The following CDK10 variants were observed in gnomAD, a reference collection of about 807,000 sequenced individuals.
CDK10 encodes cyclin dependent kinase 10.
Under a neutral mutation model 51.0 loss-of-function variants are expected in CDK10, and 55 were observed. The ratio of observed to expected loss-of-function variants is 1.08; its 90% CI spans 0.87 to 1.35. The LOEUF (loss-of-function observed/expected upper bound fraction) is 1.35. Among genes scored for constraint, CDK10 ranks in the 40% most tolerant of loss-of-function variants. The pLI is 0.00. For synonymous variants in CDK10, 255 were observed against 199.1 expected (o/e 1.28, Z -2.36); for missense variants, 589 against 485.1 (o/e 1.21, Z -2.01).
At position 89,690,630 on chromosome 16, in the gene CDK10, C is replaced by T. The variant is rs2060402410; in HGVS notation, c.232+6C>T. ...GATGGACAAGGAGAAGGATGGTGAG[C>T]AGGAAATTGGGGTGTTGGGACCTCG... On this transcript the variant is annotated splice_donor_region_variant and intron_variant, in intron 3 of 12. Coordinates refer to ENST00000353379, the MANE Select transcript of CDK10 (RefSeq NM_052988.5). 6 of 1,612,930 alleles carry T rather than the reference C, an allele frequency of 3.7e-6. No individual in the cohort carries two copies. In the South Asian group the frequency reaches 4.4e-5, roughly 12 times the overall value.
intron 9 of CDK10, 185 bp downstream of exon 9, chr16:89,694,417 G>T: frequency 1.2e-6 from 1 of 839,628 alleles, no homozygotes. Context: ...AACTTAGCTT[G>T]CTGTTCTCAG....
At chr16:89,694,312 C>T in intron 9 of CDK10, 80 bp downstream of exon 9, 4 of 1,429,724 alleles carry the variant, frequency 2.8e-6, no homozygotes, top group African/African-American at 1.4e-5. Context: ...CTGAGCTCAG[C>T]CTCAGGGGAG....
At chr16:89,694,287 C>T (rs760261597) in intron 9 of CDK10, 55 bp downstream of exon 9, 22 of 1,568,662 alleles carry the variant, frequency 1.4e-5, no homozygotes, top group African/African-American at 4.1e-5. Context: ...GGACAGGAGC[C>T]GGGTCACCTG....
rs1263400482 is a variant in CDK10, at chr16:89,696,119, T to A, written c.*427T>A. On this transcript the variant is annotated 3_prime_UTR_variant, in exon 13 of 13. Transcript: ENST00000353379. ...CTCTCAGTCGCCCGGGGCTGTCCCG[T>A]GCATGGGTTGGCTGTGGGGACCCCA... The A allele has an allele frequency of 2.4e-6, 1 of 421,634 alleles. No individual in the cohort carries two copies. The highest frequency in any genetic ancestry group is 4.4e-6 in the Non-Finnish European group (1 of 226,556). 26.1% of individuals were successfully genotyped at this position (421,634 alleles called of 1,614,324 possible). A position where few individuals can be genotyped will look rare whatever the true frequency, so the allele number is the denominator to read the frequency against.
At chr16:89,691,758 C>G in intron 4 of CDK10, 48 bp from the exon 5 acceptor site, 2 of 1,562,322 alleles carry the variant, frequency 1.3e-6, no homozygotes, top group Non-Finnish European at 1.8e-6. Flanking sequence ...CCACTTCCAC[C>G]CCTTAGGAGA....
intron 1 of CDK10, among the ~76,000 whole-genome samples, 198 bp from the exon 2 acceptor site, chr16:89,689,054 C>G (rs1263687435): frequency 1.3e-5 from 2 of 150,972 alleles, no homozygotes; most frequent in East Asian, 1.9e-4. Context: ...GAACCATGTT[C>G]TTGCCACTGC....
intron 5 of CDK10, chr16:89,692,231 C>A: frequency 1.8e-6 from 1 of 540,680 alleles, no homozygotes; most frequent in Non-Finnish European, 3.2e-6. Context: ...GTTTTCTGGG[C>A]TGCTGGGAGA....
rs1293552153 is a variant in CDK10, at chr16:89,691,971, G to T, written c.417+84G>T. On this transcript the variant is annotated intron_variant, in intron 5 of 12. Transcript: ENST00000353379. ...ATTTATAACGAAACAGGGCACTTGG[G>T]GACTTGAAGAGCTGCTGCTGCCTCT... The T allele has an allele frequency of 5.3e-6, 6 of 1,129,974 alleles. No homozygotes were observed. The South Asian group carries it at 8.2e-5, about 15-fold the overall frequency. The allele number at this position is 1,129,974 out of a possible 1,614,324, so 70.0% of individuals were successfully genotyped here.
rs1597851411 is a variant in CDK10, at chr16:89,691,368, G to A, written c.233-75G>A. 9 of 1,105,922 alleles carry A rather than the reference G, an allele frequency of 8.1e-6. No individual in the cohort carries two copies. In the East Asian group the frequency reaches 1.5e-4, roughly 19 times the overall value. The allele number at this position is 1,105,922 out of a possible 1,614,324, so 68.5% of individuals were successfully genotyped here. A position where few individuals can be genotyped will look rare whatever the true frequency, so the allele number is the denominator to read the frequency against. On this transcript the variant is annotated intron_variant, in intron 3 of 12. Coordinates refer to ENST00000353379, the MANE Select transcript of CDK10 (RefSeq NM_052988.5). The stretch of plus-strand genomic sequence containing the variant: ...GCACCTGCTATCAGGTGTTCGTGAA[G>A]CCCAAGAGTGGCTGGGGTTGGGGCT...
At chr16:89,691,274 A>T (rs951309320) in intron 3 of CDK10, among the ~76,000 whole-genome samples, 169 bp from the exon 4 acceptor site, 2 of 150,838 alleles carry the variant, frequency 1.3e-5, no homozygotes, top group Admixed American at 6.6e-5. Context: ...AACGAGCGAA[A>T]CTCCGTCTCA....
intron 1 of CDK10, among the ~76,000 whole-genome samples, chr16:89,688,452 C>T (rs866234021): frequency 1.3e-5 from 2 of 152,134 alleles, no homozygotes; most frequent in East Asian, 1.9e-4. Flanking sequence ...AATACAGGGC[C>T]TCAAGATGAT....
At chr16:89,687,503 G>C (rs2060247078) in intron 1 of CDK10, 1 of 456,106 alleles carries the variant, frequency 2.2e-6, no homozygotes, top group African/African-American at 2.0e-5. Context: ...CGTGCAGCAG[G>C]CGCTCACCGC....
intron 1 of CDK10, chr16:89,687,266 C>A (rs997007328): frequency 3.0e-6 from 1 of 332,854 alleles, no homozygotes; most frequent in Non-Finnish European, 6.1e-6. Context: ...GCGTCCCTTG[C>A]GGAGGTGCCG....
intron 5 of CDK10, chr16:89,692,236 G>A: frequency 1.8e-6 from 1 of 549,928 alleles, no homozygotes; most frequent in Non-Finnish European, 3.2e-6. Context: ...CTGGGCTGCT[G>A]GGAGAGTGCA....
chr16:89,694,190 T>G lies in CDK10; in HGVS notation c.626T>G (p.Leu209Arg). The G allele has an allele frequency of 6.2e-7, 1 of 1,614,002 alleles. No homozygotes were observed. The highest frequency in any genetic ancestry group is 8.5e-7 in the Non-Finnish European group (1 of 1,179,978). Residue 209 changes from leucine (L) to arginine (R), a missense_variant, in exon 9 of 13, where the codon CTG becomes CGG. Coordinates refer to ENST00000353379, the MANE Select transcript of CDK10 (RefSeq NM_052988.5). ...GTGTGTAGGTACCGAGCCCCTGAACTGCTGTTGGGAACCACCACGCAGACC... is the reference window on the plus strand; with the variant it reads ...GTGTGTAGGTACCGAGCCCCTGAACGGCTGTTGGGAACCACCACGCAGACC... Reference protein sequence around the residue: ...VVTLWYRAPELLLGTTTQTTS... With the variant: ...VVTLWYRAPERLLGTTTQTTS...
chr16:89,692,922 G>A (rs984166036), intron 6 of CDK10, among the ~76,000 whole-genome samples: 2 of 152,070 alleles, frequency 1.3e-5, no homozygotes, highest in East Asian at 3.9e-4. Context: ...CGGATCACGA[G>A]GTCAGGAGAT....
chr16:89,686,995 C>T (rs891090405), intron 1 of CDK10, 198 bp downstream of exon 1: 1 of 509,104 alleles, frequency 2.0e-6, no homozygotes, highest in Non-Finnish European at 3.4e-6. Context: ...CCCTGGAGAT[C>T]TGAGGGGCCG....
At position 89,694,981 on chromosome 16, in the gene CDK10, C is replaced by G. The variant is rs747970770; in HGVS notation, c.843C>G (p.Pro281=). ...GCCAGTACAGCCTCCGGAAGCAGCCCTACAACAACCTGAAGCACAAGTTCC... is the reference window on the plus strand; with the variant it reads ...GCCAGTACAGCCTCCGGAAGCAGCCGTACAACAACCTGAAGCACAAGTTCC... ...LVGQYSLRKQ[P]YNNLKHKFPW... Residue 281 remains proline (P), a synonymous_variant, in exon 11 of 13, where the codon CCC becomes CCG. Transcript: ENST00000353379. The G allele has an allele frequency of 3.1e-6, 5 of 1,613,464 alleles. No individual in the cohort carries two copies. The highest frequency in any genetic ancestry group is 4.2e-6 in the Non-Finnish European group (5 of 1,180,036).
chr16:89,686,847 G>A, intron 1 of CDK10, 50 bp downstream of exon 1: 2 of 1,503,528 alleles, frequency 1.3e-6, no homozygotes, highest in African/African-American at 1.4e-5. Flanking sequence ...TAGCGGCACT[G>A]CCCGGCTGGG....
Sources: gnomAD v4.1 joint callset for allele counts (sites outside exome capture counted in the v4.1 genomes callset) on GRCh38, gnomAD v4.1.1 for gene constraint, MANE v1.5 for transcripts, NCBI Gene and HGNC (gene_info 2026-07-23, HGNC 2026-07-21) for gene names.